Variants in PARD3B observed in about 807,000 individuals in gnomAD.
PARD3B encodes par-3 family cell polarity regulator beta, also known as partitioning defective 3 homolog B.
PARD3B carries 103 observed loss-of-function variants against 130.2 expected under a neutral mutation model. The ratio of observed to expected loss-of-function variants is 0.79; its 90% CI spans 0.67 to 0.93. PARD3B has a LOEUF of 0.93. Among genes scored for constraint, PARD3B ranks in the 40% least tolerant of loss-of-function variants. PARD3B has a pLI of 0.00. For synonymous variants in PARD3B, 583 were observed against 553.2 expected (o/e 1.05, Z -0.76); for missense variants, 1,609 against 1,499.2 (o/e 1.07, Z -1.21).
chr2:205,441,060 T>C (rs780557936), intron 20 of PARD3B, among the ~76,000 whole-genome samples: 2 of 152,210 alleles, frequency 1.3e-5, no homozygotes, highest in Non-Finnish European at 2.9e-5. Context: ...GAGAAGATGA[T>C]AGCTTCCAAG....
intron 3 of PARD3B, among the ~76,000 whole-genome samples, chr2:204,969,134 T>C (rs1160510507): frequency 1.3e-5 from 2 of 152,282 alleles, no homozygotes; most frequent in Admixed American, 6.5e-5. Flanking sequence ...GTAACCAAAA[T>C]CCCAGGCGAA....
intron 5 of PARD3B, among the ~76,000 whole-genome samples, chr2:205,108,260 G>A (rs1371662235): frequency 6.6e-6 from 1 of 151,868 alleles, no homozygotes; most frequent in Non-Finnish European, 1.5e-5. Flanking sequence ...TTTTCCAATT[G>A]GTGTCACATA....
rs1273232411 is a variant in PARD3B at position 205,550,224 on chromosome 2, A to G, written c.3181-3100A>G. ...TATTCAGGTTTGAGATGACGCTTCA[A>G]CACCCGTATGACGCTGTCTTCAACT... On this transcript the variant is annotated intron_variant, in intron 21 of 22. Coordinates refer to ENST00000406610, the MANE Select transcript of PARD3B (RefSeq NM_001302769.2). This position sits in a 1 kb window ranked among gnomAD's most constrained non-coding sequence, Gnocchi z 4.5. Among the ~76,000 whole-genome samples, 1 of 152,112 alleles carries G rather than the reference A, an allele frequency of 6.6e-6. No individual in the cohort carries two copies. Among genetic ancestry groups the G allele is most frequent in the African/African-American group, 2.4e-5 (1 of 41,414 alleles).
At chr2:204,644,556 T>G (rs1161861551) in intron 1 of PARD3B, among the ~76,000 whole-genome samples, 1 of 152,142 alleles carries the variant, frequency 6.6e-6, no homozygotes, top group Non-Finnish European at 1.5e-5. Context: ...GTGGTCTCTT[T>G]CAAAATTAGA....
intron 3 of PARD3B, among the ~76,000 whole-genome samples, chr2:205,022,261 A>T (rs1044680945): frequency 7.2e-5 from 11 of 152,194 alleles, no homozygotes; most frequent in African/African-American, 2.7e-4. Flanking sequence ...TAATCATTCC[A>T]ATTTAAACAT....
intron 2 of PARD3B, among the ~76,000 whole-genome samples, chr2:204,811,578 G>A (rs1428688253): frequency 3.9e-5 from 6 of 152,136 alleles, no homozygotes; most frequent in Non-Finnish European, 8.8e-5. Flanking sequence ...TCCTGATGAG[G>A]AAGCATTGGA....
At chr2:205,202,193 T>C (rs112897712) in intron 15 of PARD3B, among the ~76,000 whole-genome samples, 2,307 of 152,308 alleles carry the variant, frequency 0.015, 47 homozygotes, top group African/African-American at 0.038. Flanking sequence ...TTAGTAGTAG[T>C]AACTGAAATG....
At chr2:204,577,175 C>T (rs929094131) in intron 1 of PARD3B, among the ~76,000 whole-genome samples, 1 of 152,068 alleles carries the variant, frequency 6.6e-6, no homozygotes, top group Non-Finnish European at 1.5e-5. Flanking sequence ...TTGTGTGGCA[C>T]TATTCATACT....
At chr2:205,299,401 CG>C (rs2041909095) in intron 16 of PARD3B, among the ~76,000 whole-genome samples, 1 of 152,060 alleles carries the variant, frequency 6.6e-6, no homozygotes, top group Non-Finnish European at 1.5e-5. Context: ...ATGACACAGT[CG>C]TTTTTTCCCA....
intron 15 of PARD3B, among the ~76,000 whole-genome samples, chr2:205,196,523 G>C (rs10804146): frequency 0.53 from 80,085 of 151,796 alleles, 21,438 homozygotes; most frequent in Admixed American, 0.65. Context: ...CATAAAAAAG[G>C]TTTCAGTCTT....
chr2:205,093,348 C>T (rs1430013203), intron 4 of PARD3B, among the ~76,000 whole-genome samples: 3 of 152,242 alleles, frequency 2.0e-5, no homozygotes, highest in East Asian at 3.9e-4. Flanking sequence ...TCATTCCCCA[C>T]CTCAAAGCTC....
At chr2:204,784,817 G>A (rs1346556358) in intron 2 of PARD3B, among the ~76,000 whole-genome samples, 1 of 152,100 alleles carries the variant, frequency 6.6e-6, no homozygotes, top group African/African-American at 2.4e-5. Flanking sequence ...AGATGAGATT[G>A]CTGGTCAAGT....
At chr2:205,186,684 A>G (rs1249060494) in intron 14 of PARD3B, among the ~76,000 whole-genome samples, 1 of 152,172 alleles carries the variant, frequency 6.6e-6, no homozygotes, top group African/African-American at 2.4e-5. Context: ...ATTAGGTGGA[A>G]GCTCACCTAT....
chr2:205,444,789 T>C (rs1022884931), intron 20 of PARD3B, among the ~76,000 whole-genome samples: 1 of 152,136 alleles, frequency 6.6e-6, no homozygotes, highest in African/African-American at 2.4e-5. Context: ...AAACTTTAAC[T>C]TAAAACAAAG....
At chr2:204,997,005 G>A (rs969597453) in intron 3 of PARD3B, among the ~76,000 whole-genome samples, 13 of 152,054 alleles carry the variant, frequency 8.5e-5, no homozygotes, top group Non-Finnish European at 1.6e-4. Flanking sequence ...AGATGAACCC[G>A]GTACCTCAGA....
rs141000170 is a variant in PARD3B, at chr2:205,230,464, C to A, written c.2141-15314C>A. Among the ~76,000 whole-genome samples the A allele has an allele frequency of 5.5e-3, 841 of 152,282 alleles. 6 individuals carry two copies. Among genetic ancestry groups the A allele is most frequent in the Admixed American group, 0.012 (177 of 15,286 alleles). On this transcript the variant is annotated intron_variant, in intron 15 of 22. Transcript: ENST00000406610. This position sits in a 1 kb window ranked among gnomAD's most constrained non-coding sequence, Gnocchi z 4.1. ...AGCCTAGAATGGGGGCCCCAGGACT[C>A]TGCCCAGTGCCCCCTACTGTGGTAG...
intron 21 of PARD3B, among the ~76,000 whole-genome samples, chr2:205,534,834 C>T (rs962397999): frequency 2.6e-5 from 4 of 152,140 alleles, no homozygotes; most frequent in African/African-American, 9.7e-5. Context: ...ATACGTATTC[C>T]TCATGCTTAG....
At chr2:205,104,563 TG>T (rs1559441706) in intron 5 of PARD3B, 49 bp downstream of exon 5, 1 of 1,246,014 alleles carries the variant, frequency 8.0e-7, no homozygotes, top group East Asian at 2.3e-5. Flanking sequence ...CAATTTGATG[TG>T]TTTTTTAATA....
chr2:205,335,467 TG>T (rs111406057), intron 18 of PARD3B, among the ~76,000 whole-genome samples: 5,190 of 152,232 alleles, frequency 0.034, 104 homozygotes, highest in Middle Eastern at 0.058. Context: ...GGTACCTGTG[TG>T]TTGCACTGAA....
Sources: gnomAD v4.1 joint callset for allele counts (sites outside exome capture counted in the v4.1 genomes callset) on GRCh38, gnomAD v4.1.1 for gene constraint, Gnocchi (gnomAD v3.1) non-coding constraint, MANE v1.5 for transcripts, NCBI Gene and HGNC (gene_info 2026-07-23, HGNC 2026-07-21) for gene names.